CPAMD8: variants seen among roughly 807,000 people sequenced by gnomAD.
CPAMD8 encodes C3 and PZP-like alpha-2-macroglobulin domain-containing protein 8.
Under a neutral mutation model 224.7 loss-of-function variants are expected in CPAMD8, and 146 were observed. The ratio of observed to expected loss-of-function variants is 0.65; its 90% confidence interval spans 0.57 to 0.75. The LOEUF (loss-of-function observed/expected upper bound fraction) is 0.75. CPAMD8 is among the 30% of genes least tolerant of loss of function. The pLI is 0.00. For synonymous variants in CPAMD8, 966 were observed against 1,044.6 expected (o/e 0.92, Z 1.45); for missense variants, 2,301 against 2,537.5 (o/e 0.91, Z 2.00).
intron 5 of CPAMD8, among the ~76,000 whole-genome samples, chr19:17,010,659 T>C (rs768256614): frequency 2.0e-5 from 3 of 152,142 alleles, no homozygotes; most frequent in Non-Finnish European, 2.9e-5. Flanking sequence ...TATTCTCACA[T>C]TATTTACCAT....
intron 26 of CPAMD8, among the ~76,000 whole-genome samples, chr19:16,923,686 G>A (rs745325644): frequency 4.6e-5 from 7 of 152,306 alleles, no homozygotes; most frequent in South Asian, 2.1e-4. Flanking sequence ...AAGAGAGGCC[G>A]GGCATCGTGG....
chr19:16,906,786 T>G (rs1220717977), intron 30 of CPAMD8, among the ~76,000 whole-genome samples, 166 bp downstream of exon 30: 2 of 152,176 alleles, frequency 1.3e-5, no homozygotes, highest in Non-Finnish European at 2.9e-5. Context: ...CTCTGCTCAC[T>G]GCAATCTCCG....
rs1027643133 is a variant in CPAMD8, at chr19:16,977,564, A to T, written c.1586-24T>A. On this transcript the variant is annotated intron_variant, in intron 14 of 41. Coordinates refer to ENST00000443236, the MANE Select transcript of CPAMD8 (RefSeq NM_015692.5). ...CTCTGAGGTGAGCAAAAGTAGAGAG[A>T]GGTGGTGAATTCTCCGCATCCGACA... is the stretch of plus-strand genomic sequence containing the variant. The T allele has an allele frequency of 1.6e-5, 25 of 1,555,144 alleles. No individual in the cohort carries two copies. The Admixed American group carries it at 4.6e-4, about 29-fold the overall frequency.
intron 1 of CPAMD8, among the ~76,000 whole-genome samples, chr19:17,025,175 C>T (rs1276518724): frequency 6.6e-6 from 1 of 152,176 alleles, no homozygotes; most frequent in East Asian, 1.9e-4. Context: ...CTTTGGGAGG[C>T]GGAGGTGGGT....
intron 13 of CPAMD8, among the ~76,000 whole-genome samples, chr19:16,986,195 T>A (rs762323009): frequency 6.6e-6 from 1 of 152,020 alleles, no homozygotes; most frequent in Non-Finnish European, 1.5e-5. Context: ...GCCCTGGCGC[T>A]AGAAGAAGAG....
intron 30 of CPAMD8, 33 bp from the exon 31 acceptor site, chr19:16,904,585 C>T: frequency 6.9e-7 from 1 of 1,451,118 alleles, no homozygotes; most frequent in Non-Finnish European, 9.7e-7. Flanking sequence ...GAGCTATAAC[C>T]CACCCAGTGT....
At chr19:16,948,885 A>G (rs1281623052) in intron 20 of CPAMD8, among the ~76,000 whole-genome samples, 7 of 65,790 alleles carry the variant, frequency 1.1e-4, no homozygotes, top group African/African-American at 3.4e-4. Context: ...AGGGAAGGGA[A>G]GGGAAGGGAA....
rs1324797841 is a variant in CPAMD8, at chr19:16,990,792, G to A, written c.1267-1021C>T. Among the ~76,000 whole-genome samples, 3 of 147,972 alleles carry A rather than the reference G, an allele frequency of 2.0e-5. No individual in the cohort carries two copies. The Admixed American group carries it at 2.1e-4, about 10-fold the overall frequency. ...GCAGGGGAATCACTTGAACCTGGGA[G>A]GCAGAGGTTGCAGTGAGCTGGAATC... On this transcript the variant is annotated intron_variant, in intron 12 of 41. Transcript: ENST00000443236.
At position 16,993,569 on chromosome 19, in the gene CPAMD8, G is replaced by A. The variant is rs75991134; in HGVS notation, c.1113C>T (p.Pro371=). Residue 371 remains proline, a synonymous_variant, in exon 12 of 42, where the codon CCC becomes CCT. Coordinates refer to ENST00000443236, the MANE Select transcript of CPAMD8 (RefSeq NM_015692.5). ...AYVGKVELSY[P]DGSPAEGVTV... is the part of the protein sequence containing the mutation. ...TCACCCCCTCAGCTGGGCTGCCATC[G>A]GGGTAGGATAGCTCCACCTAGAAAA... is the stretch of plus-strand genomic sequence containing the variant. 44,373 of 1,614,002 alleles carry A rather than the reference G, an allele frequency of 0.027. 745 individuals are homozygous for A. Among genetic ancestry groups the A allele is most frequent in the Middle Eastern group, 0.074 (446 of 6,062 alleles).
chr19:16,899,518 C>A lies in CPAMD8; in HGVS notation c.4805G>T (p.Arg1602Met). Residue 1602 changes from arginine (R) to methionine (M), a missense_variant, in exon 37 of 42, where the codon AGG (arginine) becomes ATG (methionine). Coordinates refer to ENST00000443236, the MANE Select transcript of CPAMD8 (RefSeq NM_015692.5). The surrounding 1 kb of genome is among the most constrained non-coding windows in gnomAD (Gnocchi z 5.4). ...LLLDKHMGMKRYEVAGRRVLF... is the reference protein window; with the variant it reads ...LLLDKHMGMKMYEVAGRRVLF... ...CACTCGGCGTCCAGCCACTTCATAC[C>A]TCTTCATCCCCATGTGCTTGTCAAG... The A allele has an allele frequency of 6.3e-7, 1 of 1,576,542 alleles. No individual in the cohort carries two copies. Among genetic ancestry groups the A allele is most frequent in the Non-Finnish European group, 8.7e-7 (1 of 1,146,098 alleles).
At chr19:16,928,409 C>T (rs2053441320) in intron 24 of CPAMD8, among the ~76,000 whole-genome samples, 175 bp from the exon 25 acceptor site, 1 of 152,238 alleles carries the variant, frequency 6.6e-6, no homozygotes, top group Non-Finnish European at 1.5e-5. Flanking sequence ...ATCCATTAAA[C>T]AGCCAACAGA....
intron 18 of CPAMD8, among the ~76,000 whole-genome samples, chr19:16,968,701 C>T (rs924953897): frequency 7.9e-5 from 12 of 152,256 alleles, no homozygotes; most frequent in African/African-American, 2.9e-4. Context: ...TGCAGTGGCA[C>T]AATCACAGCT....
At chr19:16,919,748 A>T (rs2053098143) in intron 27 of CPAMD8, among the ~76,000 whole-genome samples, 1 of 152,250 alleles carries the variant, frequency 6.6e-6, no homozygotes, top group Non-Finnish European at 1.5e-5. Flanking sequence ...GATGAAGACC[A>T]GAGCCTAGCT....
chr19:16,937,558 C>T (rs1287433131), intron 23 of CPAMD8, among the ~76,000 whole-genome samples: 1 of 152,050 alleles, frequency 6.6e-6, no homozygotes, highest in Non-Finnish European at 1.5e-5. Flanking sequence ...TCACTGCAAC[C>T]TCCACCTCTT....
chr19:16,944,390 G>A lies in CPAMD8; in HGVS notation c.2793+1159C>T, dbSNP rs146318921. The stretch of plus-strand genomic sequence containing the variant: ...ACTGCAGGTGCAGAGACAGTTCTGC[G>A]GCATGGATGGGAGGAAAGGCTCCAG... On this transcript the variant is annotated intron_variant, in intron 22 of 41. Coordinates refer to ENST00000443236, the MANE Select transcript of CPAMD8 (RefSeq NM_015692.5). Among the ~76,000 whole-genome samples, 132 of 152,280 alleles carry A rather than the reference G, an allele frequency of 8.7e-4. 2 individuals carry two copies. In the East Asian group the frequency reaches 0.023, roughly 26 times the overall value.
At chr19:16,974,845 T>C (rs2055197801) in intron 17 of CPAMD8, among the ~76,000 whole-genome samples, 1 of 152,014 alleles carries the variant, frequency 6.6e-6, no homozygotes, top group African/African-American at 2.4e-5. Flanking sequence ...TGTGGTGGCA[T>C]GCACCTGTAG....
chr19:16,902,274 TG>T (rs2144730953), intron 35 of CPAMD8, among the ~76,000 whole-genome samples: 1 of 152,134 alleles, frequency 6.6e-6, no homozygotes, highest in East Asian at 1.9e-4. Context: ...CCCAGCACTT[TG>T]GGGGGCTGAG....
chr19:16,922,048 G>A lies in CPAMD8; in HGVS notation c.3548-62C>T. ...TGGCCTGGCCCAGGCCCGCCCCCAG[G>A]GACCTACACCACTCTGCCGTCCCCT... On this transcript the variant is annotated intron_variant, in intron 26 of 41. Transcript: ENST00000443236. 2.6e-6 allele frequency: 3 copies of A among 1,151,810 alleles called. 1 individual carries two copies. Among genetic ancestry groups the A allele is most frequent in the South Asian group, 2.7e-5 (2 of 74,178 alleles). 71.3% of individuals were successfully genotyped at this position (1,151,810 alleles called of 1,614,324 possible).
intron 29 of CPAMD8, among the ~76,000 whole-genome samples, chr19:16,913,536 TCTTGGA>T (rs1311203668): frequency 6.6e-6 from 1 of 152,052 alleles, no homozygotes; most frequent in Non-Finnish European, 1.5e-5. Flanking sequence ...TGTGCCTTGG[TCTTGGA>T]CTTCCCATCC....
Sources: gnomAD v4.1 joint callset for allele counts (sites outside exome capture counted in the v4.1 genomes callset) on GRCh38, gnomAD v4.1.1 for gene constraint, Gnocchi (gnomAD v3.1) non-coding constraint, MANE v1.5 for transcripts, NCBI Gene and HGNC (gene_info 2026-07-23, HGNC 2026-07-21) for gene names.